The following SYNPR variants were observed in gnomAD, a reference collection of about 807,000 sequenced individuals.
The protein encoded by SYNPR is synaptoporin.
Under a neutral mutation model 32.9 loss-of-function variants are expected in SYNPR, and 23 were observed. That is an observed-to-expected ratio of 0.70 (90% confidence interval 0.50 to 0.99). The LOEUF (loss-of-function observed/expected upper bound fraction) is 0.99. Among genes scored for constraint, SYNPR ranks in the 50% least tolerant of loss-of-function variants. The pLI is 0.00. For synonymous variants in SYNPR, 146 were observed against 135.9 expected, an observed-to-expected ratio of 1.07 and a Z score of -0.52; for missense variants, 318 against 349.3, an observed-to-expected ratio of 0.91 and a Z score of 0.71.
chr3:63,397,362 T>C (rs1412722830), intron 2 of SYNPR, among the ~76,000 whole-genome samples: 1 of 152,174 alleles, frequency 6.6e-6, no homozygotes, highest in African/African-American at 2.4e-5. Context: ...AAAATCTTAG[T>C]TGAAACTCTG....
intron 2 of SYNPR, among the ~76,000 whole-genome samples, chr3:63,263,447 C>T (rs9851589): frequency 0.76 from 115,384 of 152,156 alleles, 44,579 homozygotes; most frequent in Middle Eastern, 0.85. Context: ...ATCTTTATGC[C>T]AATTAAAATT....
At chr3:63,436,334 C>T (rs1700084674) in intron 2 of SYNPR, among the ~76,000 whole-genome samples, 1 of 112,896 alleles carries the variant, frequency 8.9e-6, no homozygotes. Flanking sequence ...CCTTCCCCCT[C>T]CCCCCACCCC....
At chr3:63,574,314 G>A (rs1702941644) in intron 4 of SYNPR, among the ~76,000 whole-genome samples, 2 of 152,108 alleles carry the variant, frequency 1.3e-5, no homozygotes, top group Admixed American at 6.6e-5. Flanking sequence ...ATCCTGACAG[G>A]TAGCGTGATT....
chr3:63,507,378 G>GA (rs71743220), intron 3 of SYNPR, among the ~76,000 whole-genome samples: 44,022 of 151,678 alleles, frequency 0.29, 7,501 homozygotes, highest in African/African-American at 0.47. Flanking sequence ...CTAATAATGG[G>GA]AAAAAAAATC....
chr3:63,578,186 G>T (rs537716482), intron 4 of SYNPR, among the ~76,000 whole-genome samples: 23 of 152,252 alleles, frequency 1.5e-4, no homozygotes, highest in Non-Finnish European at 3.1e-4. Flanking sequence ...ATAGTGTAAG[G>T]TGGTGATTAC....
chr3:63,226,198 C>T (rs1575569559), upstream of SYNPR, among the ~76,000 whole-genome samples: 1 of 150,088 alleles, frequency 6.7e-6, no homozygotes, highest in South Asian at 2.1e-4. Context: ...AGACAAAAAA[C>T]AACAGATGCT....
intron 4 of SYNPR, among the ~76,000 whole-genome samples, chr3:63,583,208 A>G (rs1427595363): frequency 6.6e-6 from 1 of 152,022 alleles, no homozygotes; most frequent in Non-Finnish European, 1.5e-5. Context: ...ACAAGTCATA[A>G]TGGTGGAATG....
At chr3:63,319,019 T>G (rs2106965052) in intron 2 of SYNPR, among the ~76,000 whole-genome samples, 1 of 152,152 alleles carries the variant, frequency 6.6e-6, no homozygotes, top group Non-Finnish European at 1.5e-5. Flanking sequence ...GCAGTGATTG[T>G]TGTCTCTCTT....
At chr3:63,321,589 C>T (rs925700309) in intron 2 of SYNPR, among the ~76,000 whole-genome samples, 1 of 152,054 alleles carries the variant, frequency 6.6e-6, no homozygotes, top group Non-Finnish European at 1.5e-5. Flanking sequence ...AAAATGGAGT[C>T]TGTACTTTAT....
chr3:63,209,243 G>C, the SYNPR span, among the ~76,000 whole-genome samples: 1 of 150,934 alleles, frequency 6.6e-6, no homozygotes, highest in Non-Finnish European at 1.5e-5. Context: ...GCATGAACCC[G>C]GGGGGCGGAG....
intron 3 of SYNPR, among the ~76,000 whole-genome samples, chr3:63,511,237 G>A (rs1345378563): frequency 1.3e-5 from 2 of 152,024 alleles, no homozygotes; most frequent in Non-Finnish European, 2.9e-5. Flanking sequence ...TCTCATCTAA[G>A]AAAGTGACCC....
intron 2 of SYNPR, among the ~76,000 whole-genome samples, chr3:63,316,479 A>G (rs1304556578): frequency 6.6e-6 from 1 of 151,978 alleles, no homozygotes; most frequent in Non-Finnish European, 1.5e-5. Context: ...GTATTTTTCC[A>G]GGAATTTATC....
At chr3:63,244,136 G>C (rs1287240783) in intron 1 of SYNPR, among the ~76,000 whole-genome samples, 3 of 152,086 alleles carry the variant, frequency 2.0e-5, no homozygotes, top group Non-Finnish European at 4.4e-5. Context: ...AAAAGCATCA[G>C]AGCTCAGGGG....
At chr3:63,478,247 T>C (rs1004416320) in intron 2 of SYNPR, among the ~76,000 whole-genome samples, 4 of 152,214 alleles carry the variant, frequency 2.6e-5, no homozygotes, top group African/African-American at 9.6e-5. Flanking sequence ...GTATTAATAA[T>C]ACCTTACTGT....
At chr3:63,501,696 G>A (rs997054584) in intron 3 of SYNPR, among the ~76,000 whole-genome samples, 1 of 152,010 alleles carries the variant, frequency 6.6e-6, no homozygotes. Context: ...AGGATATGAT[G>A]ACTTTAAGAA....
chr3:63,390,350 G>C (rs1301026516), intron 2 of SYNPR, among the ~76,000 whole-genome samples: 5 of 152,168 alleles, frequency 3.3e-5, no homozygotes, highest in Non-Finnish European at 7.3e-5. Flanking sequence ...AGGAAAGGAG[G>C]AATGAATGTG....
At chr3:63,424,941 G>GT (rs1219960910) in intron 2 of SYNPR, among the ~76,000 whole-genome samples, 1 of 152,194 alleles carries the variant, frequency 6.6e-6, no homozygotes, top group East Asian at 1.9e-4. Flanking sequence ...TACAACCCTT[G>GT]TGTGTAAATT....
intron 4 of SYNPR, among the ~76,000 whole-genome samples, chr3:63,597,422 A>G (rs1220343122): frequency 6.6e-6 from 1 of 152,188 alleles, no homozygotes; most frequent in Middle Eastern, 3.2e-3. Flanking sequence ...CTGAGCCTGG[A>G]GCCAGTTTTC....
intron 2 of SYNPR, among the ~76,000 whole-genome samples, chr3:63,253,032 C>A (rs2086347250): frequency 8.2e-6 from 1 of 121,996 alleles, no homozygotes; most frequent in Non-Finnish European, 1.7e-5. Context: ...GAGTGAGACT[C>A]TGTCTCAGAA....
Sources: gnomAD v4.1 joint callset for allele counts (sites outside exome capture counted in the v4.1 genomes callset) on GRCh38, gnomAD v4.1.1 for gene constraint, MANE v1.5 for transcripts, NCBI Gene and HGNC (gene_info 2026-07-23, HGNC 2026-07-21) for gene names.